DCP1B: variants seen among roughly 807,000 people sequenced by gnomAD.
DCP1B encodes the protein decapping mRNA 1B.
In DCP1B, 47 loss-of-function variants were observed where a neutral mutation model predicts 60.5. That is an observed-to-expected ratio of 0.78 (90% CI 0.61 to 0.99). The LOEUF is 0.99. DCP1B is among the 50% of genes least tolerant of loss of function. The pLI, the probability that DCP1B is intolerant of heterozygous loss-of-function variation, is 0.00. For synonymous variants in DCP1B, 267 were observed against 280.3 expected (o/e 0.95, Z 0.47); for missense variants, 725 against 756.8 (o/e 0.96, Z 0.49).
In DCP1B at chr12:2,004,312, C is replaced by G; in HGVS notation, c.120G>C (p.Leu40=). The change falls in exon 1 of 9, where the codon CTG becomes CTC. Residue 40 remains leucine (L), a synonymous_variant. Transcript: ENST00000280665. ...RIVDVASQVA[L]YTFGHRANEW... is the part of the protein sequence containing the mutation. ...CGTTGGCCCGATGGCCGAAGGTGTACAGAGCCACCTGGCTGGCCACGTCCA... is the reference window on the plus strand; with the variant it reads ...CGTTGGCCCGATGGCCGAAGGTGTAGAGAGCCACCTGGCTGGCCACGTCCA... 2 of 1,613,370 alleles carry G rather than the reference C, an allele frequency of 1.2e-6. No homozygotes were observed. The highest frequency in any genetic ancestry group is 1.7e-6 in the Non-Finnish European group (2 of 1,179,918).
chr12:1,989,106 G>T lies in DCP1B; in HGVS notation c.319+4158C>A, dbSNP rs558286554. Among the ~76,000 whole-genome samples the T allele has an allele frequency of 9.9e-4, 151 of 152,330 alleles. 1 individual carries two copies. The Middle Eastern group carries it at 0.01, about 10-fold the overall frequency. On this transcript the variant is annotated intron_variant, in intron 3 of 8. Coordinates refer to ENST00000280665, the MANE Select transcript of DCP1B (RefSeq NM_152640.5). The stretch of plus-strand genomic sequence containing the variant: ...TAGCTCTGAAATATCCCTGTCAGCT[G>T]GGCATGGTGGCTCCCGCCTGTAATG...
chr12:1,996,647 AAAAAAAAACAAC>A (rs1284094572), intron 2 of DCP1B, among the ~76,000 whole-genome samples: 2,001 of 53,792 alleles, frequency 0.037, 151 homozygotes, highest in Non-Finnish European at 0.051. Flanking sequence ...AAAAAAAAAA[AAAAAAAAACAAC>A]AAACTCTTCT....
intron 5 of DCP1B, among the ~76,000 whole-genome samples, chr12:1,960,637 G>GTA (rs1323339782): frequency 6.6e-6 from 1 of 152,042 alleles, no homozygotes; most frequent in Non-Finnish European, 1.5e-5. Context: ...ATATCATGTT[G>GTA]TATACCATAC....
At chr12:1,982,793 G>A (rs2036535109) in intron 3 of DCP1B, among the ~76,000 whole-genome samples, 1 of 152,038 alleles carries the variant, frequency 6.6e-6, no homozygotes, top group South Asian at 2.1e-4. Flanking sequence ...GGATAATGCT[G>A]CCCTCATAAA....
intron 7 of DCP1B, among the ~76,000 whole-genome samples, 154 bp from the exon 8 acceptor site, chr12:1,949,488 C>T (rs1292150435): frequency 2.0e-5 from 3 of 152,226 alleles, no homozygotes; most frequent in Non-Finnish European, 4.4e-5. Context: ...CTCCACTGCT[C>T]CATGCACCTT....
chr12:1,981,082 A>G (rs1488887037), intron 3 of DCP1B, among the ~76,000 whole-genome samples: 1 of 152,168 alleles, frequency 6.6e-6, no homozygotes, highest in Non-Finnish European at 1.5e-5. Flanking sequence ...TGAACTATTA[A>G]ATTTCCCATG....
intron 4 of DCP1B, among the ~76,000 whole-genome samples, chr12:1,966,930 T>C (rs1489772602): frequency 1.3e-5 from 2 of 152,224 alleles, no homozygotes; most frequent in Non-Finnish European, 2.9e-5. Context: ...AAGTGGGGAC[T>C]GATTCTTTTG....
chr12:1,988,693 G>A (rs1489297322), intron 3 of DCP1B, among the ~76,000 whole-genome samples: 4 of 152,052 alleles, frequency 2.6e-5, no homozygotes, highest in South Asian at 2.1e-4. Flanking sequence ...CTCTGCCATC[G>A]TTTACCCAAA....
At chr12:1,996,655 ACAACAAAC>A (rs1565870643) in intron 2 of DCP1B, among the ~76,000 whole-genome samples, 5 of 24,916 alleles carry the variant, frequency 2.0e-4, no homozygotes, top group African/African-American at 1.3e-3. Flanking sequence ...AAAAAAAAAA[ACAACAAAC>A]TCTTCTAATG....
chr12:1,979,929 A>G (rs2035616430), intron 3 of DCP1B, among the ~76,000 whole-genome samples: 2 of 152,328 alleles, frequency 1.3e-5, no homozygotes, highest in South Asian at 2.1e-4. Context: ...TCACAATGAG[A>G]TATCACTTCA....
chr12:1,954,516 T>C (rs1208790912), intron 6 of DCP1B, among the ~76,000 whole-genome samples: 1 of 145,968 alleles, frequency 6.9e-6, no homozygotes, highest in Non-Finnish European at 1.5e-5. Context: ...ATTTTTGTCA[T>C]TGCTGTACTA....
chr12:1,983,441 T>C (rs942558158), intron 3 of DCP1B, among the ~76,000 whole-genome samples: 11 of 152,082 alleles, frequency 7.2e-5, no homozygotes, highest in African/African-American at 2.7e-4. Context: ...TTCATTGTTA[T>C]TCAGTTCAAA....
At chr12:1,983,934 A>G (rs2036897669) in intron 3 of DCP1B, among the ~76,000 whole-genome samples, 1 of 151,990 alleles carries the variant, frequency 6.6e-6, no homozygotes, top group African/African-American at 2.4e-5. Context: ...CACATTAATA[A>G]TTATTATGCC....
At position 1,952,419 on chromosome 12, in the gene DCP1B, GAA is replaced by G. The variant is rs1429494777; in HGVS notation, c.1519_1520del (p.Phe507ProfsTer86). 3 of 1,573,808 alleles carry G rather than the reference GAA, an allele frequency of 1.9e-6. No individual in the cohort carries two copies. The highest frequency in any genetic ancestry group is 2.6e-6 in the Non-Finnish European group (3 of 1,156,884). ...TTTGCCCCTGGTACATATTTACCTGGAAAAGAGGAGTCTGCTGTTCTGTGTTG... is the reference window on the plus strand; with the variant it reads ...TTTGCCCCTGGTACATATTTACCTGGAAGAGGAGTCTGCTGTTCTGTGTTG... Reference protein sequence around the residue: ...TPNTEQQTPLFQVISPQRIPA... With the variant: ...TPNTEQQTPLXQVISPQRIPA... On this transcript the variant is annotated frameshift_variant, in exon 7 of 9. Transcript: ENST00000280665. LOFTEE classifies it high-confidence loss of function.
At chr12:1,983,454 T>C (rs146652759) in intron 3 of DCP1B, among the ~76,000 whole-genome samples, 7 of 152,172 alleles carry the variant, frequency 4.6e-5, no homozygotes, top group African/African-American at 1.2e-4. Context: ...AGTTCAAATG[T>C]TCTCTAATTT....
chr12:2,002,904 CAAACAAACAA>C (rs1215091015), intron 1 of DCP1B, among the ~76,000 whole-genome samples: 2 of 150,164 alleles, frequency 1.3e-5, no homozygotes, highest in Non-Finnish European at 2.9e-5. Flanking sequence ...CTCGAAAAAA[CAAACAAACAA>C]AAACAAACAA....
Position 1,971,022 on chromosome 12 carries a change from C to A in DCP1B, c.320-3112G>T, listed in dbSNP as rs1592815967. On this transcript the variant is annotated intron_variant, in intron 3 of 8. Transcript: ENST00000280665. The surrounding 1 kb of genome is among the most constrained non-coding windows in gnomAD (Gnocchi z 4.2). ...GATCATGAGCAGGATAATTATTTAG[C>A]TTTAAAAATCAACCAATTAATATAC... 9 of 1,236,556 alleles carry A rather than the reference C, an allele frequency of 7.3e-6. No homozygotes were observed. The highest frequency in any genetic ancestry group is 9.5e-6 in the Non-Finnish European group (9 of 949,792). 76.6% of individuals were successfully genotyped at this position (1,236,556 alleles called of 1,614,324 possible).
chr12:1,979,847 T>C (rs2035592148), intron 3 of DCP1B, among the ~76,000 whole-genome samples: 1 of 152,222 alleles, frequency 6.6e-6, no homozygotes, highest in South Asian at 2.1e-4. Context: ...TCTGCATAGG[T>C]TTCCAATGTC....
rs771302202 is a variant in DCP1B at position 1,971,035 on chromosome 12, C to T, written c.320-3125G>A. ...ATAATTATTTAGCTTTAAAAATCAACCAATTAATATACATCTGGAAATTCA... is the reference window on the plus strand; with the variant it reads ...ATAATTATTTAGCTTTAAAAATCAATCAATTAATATACATCTGGAAATTCA... On this transcript the variant is annotated intron_variant, in intron 3 of 8. Transcript: ENST00000280665. This position sits in a 1 kb window ranked among gnomAD's most constrained non-coding sequence, Gnocchi z 4.2. 1.6e-6 allele frequency: 2 copies of T among 1,260,148 alleles called. No individual in the cohort carries two copies. Among genetic ancestry groups the T allele is most frequent in the South Asian group, 2.6e-5 (2 of 77,630 alleles). 78.1% of individuals were successfully genotyped at this position (1,260,148 alleles called of 1,614,324 possible).
Sources: allele counts gnomAD v4.1 joint callset (sites outside exome capture counted in the v4.1 genomes callset), GRCh38; gene constraint gnomAD v4.1.1; non-coding constraint Gnocchi (gnomAD v3.1); transcripts MANE v1.5; gene names NCBI Gene and HGNC (gene_info 2026-07-23, HGNC 2026-07-21).